The following GAGE1 variants were observed in gnomAD, a reference collection of about 807,000 sequenced individuals.
The protein encoded by GAGE1 is G antigen 1.
A neutral mutation model predicts 5.0 loss-of-function variants in GAGE1; 5 were observed. The ratio of observed to expected loss-of-function variants is 1.00; its 90% CI spans 0.52 to 2.11. GAGE1 has a LOEUF of 2.11. Ranked by LOEUF, GAGE1 falls within the 30% of genes most tolerant of loss-of-function variation. The pLI is 0.01. For synonymous variants in GAGE1, 6 were observed against 14.8 expected, an observed-to-expected ratio of 0.40 and a Z score of 1.37; for missense variants, 9 against 38.9, an observed-to-expected ratio of 0.23 and a Z score of 2.04.
rs1243782532 is a variant in GAGE1 at position 49,607,518 on chromosome X, A to T, written c.*1503A>T. 2.7e-5 allele frequency: 3 copies of T among 111,064 alleles called. No individual in the cohort carries two copies. In the Admixed American group the frequency reaches 2.9e-4, roughly 11 times the overall value. 9.2% of individuals were successfully genotyped at this position (111,064 alleles called of 1,213,427 possible). A position where few individuals can be genotyped will look rare whatever the true frequency, so the allele number is the denominator to read the frequency against. On this transcript the variant is annotated 3_prime_UTR_variant, in exon 5 of 5. Coordinates refer to ENST00000381700, the MANE Select transcript of GAGE1 (RefSeq NM_001040663.4). ...TAATGCAGGGCTAGGCTTTCCCATA[A>T]TGAGCTTTTCTAGAATGCTTCTCTC...
intron 4 of GAGE1, among the ~76,000 whole-genome samples, chrX:49,604,401 A>C (rs1386149744): frequency 8.9e-6 from 1 of 112,343 alleles, no homozygotes; most frequent in Non-Finnish European, 1.9e-5. Context: ...CACATTTGTA[A>C]CACCCATCAC....
chrX:49,605,044 A>C (rs1557131913), intron 4 of GAGE1: 2 of 1,022,762 alleles, frequency 2.0e-6, no homozygotes, highest in East Asian at 6.1e-5. Context: ...TCTGGCTTTT[A>C]ATGAACAATT....
chrX:49,602,233 GT>G (rs1321976584), intron 3 of GAGE1, among the ~76,000 whole-genome samples: 1 of 112,534 alleles, frequency 8.9e-6, no homozygotes, highest in Non-Finnish European at 1.9e-5. Context: ...CAGATGCAAA[GT>G]TTTTGTGCCT....
chrX:49,604,184 C>G (rs1300380452), intron 4 of GAGE1, among the ~76,000 whole-genome samples: 5 of 112,530 alleles, frequency 4.4e-5, no homozygotes, highest in Non-Finnish European at 9.4e-5. Context: ...AGAGAGTTAA[C>G]AATACTGCCT....
chrX:49,606,022 A>G lies in GAGE1; in HGVS notation c.*7A>G, dbSNP rs2066657290. On this transcript the variant is annotated 3_prime_UTR_variant, in exon 5 of 5. Coordinates refer to ENST00000381700, the MANE Select transcript of GAGE1 (RefSeq NM_001040663.4). ...AGGGCAATCACAGTGTTAAAAGAAGACATGCTGAAATGTTGCAGGCTGCTC... is the reference window on the plus strand; with the variant it reads ...AGGGCAATCACAGTGTTAAAAGAAGGCATGCTGAAATGTTGCAGGCTGCTC... 2 of 1,065,313 alleles carry G rather than the reference A, an allele frequency of 1.9e-6. No homozygotes were observed. The highest frequency in any genetic ancestry group is 3.8e-5 in the African/African-American group (2 of 52,164). 87.8% of individuals were successfully genotyped at this position (1,065,313 alleles called of 1,213,427 possible). A position where few individuals can be genotyped will look rare whatever the true frequency, so the allele number is the denominator to read the frequency against.
intron 4 of GAGE1, among the ~76,000 whole-genome samples, chrX:49,605,761 T>C (rs1220173071): frequency 1.8e-5 from 2 of 110,248 alleles, no homozygotes; most frequent in Non-Finnish European, 3.8e-5. Context: ...ATACAAAAAA[T>C]TAGCCCTTGT....
Position 49,607,794 on chromosome X carries a change from T to C in GAGE1, c.*1779T>C, listed in dbSNP as rs1557132370. ...CTGACCCTAGATCTGTGTATAATTA[T>C]GACAATGGCTCCATTTATTTTTAAA... On this transcript the variant is annotated 3_prime_UTR_variant, in exon 5 of 5. Transcript: ENST00000381700. 3.6e-5 allele frequency: 4 copies of C among 111,843 alleles called. No individual in the cohort carries two copies. Among genetic ancestry groups the C allele is most frequent in the Non-Finnish European group, 7.5e-5 (4 of 53,250 alleles). 9.2% of individuals were successfully genotyped at this position (111,843 alleles called of 1,213,427 possible).
chrX:49,602,672 G>GT (rs1312004464), intron 3 of GAGE1, among the ~76,000 whole-genome samples: 21 of 92,616 alleles, frequency 2.3e-4, no homozygotes, highest in Middle Eastern at 5.9e-3. Context: ...TTGAGGGTGT[G>GT]TTTATCGTCA....
Position 49,602,762 on chromosome X carries a change from C to T in GAGE1, c.206-906C>T, listed in dbSNP as rs1168475756. Among the ~76,000 whole-genome samples, 14 of 85,709 alleles carry T rather than the reference C, an allele frequency of 1.6e-4. 1 individual carries two copies. The highest frequency in any genetic ancestry group is 3.5e-4 in the Non-Finnish European group (13 of 37,674). 74.4% of individuals were successfully genotyped at this position (85,709 alleles called of 115,157 possible). A position where few individuals can be genotyped will look rare whatever the true frequency, so the allele number is the denominator to read the frequency against. ...AAATTTAACAATGAGAAAATGGAGT[C>T]ATTTAATACAGAGTGCATACTCAAA... is the stretch of plus-strand genomic sequence containing the variant. On this transcript the variant is annotated intron_variant, in intron 3 of 4. Transcript: ENST00000381700.
At position 49,606,121 on chromosome X, in the gene GAGE1, C is replaced by A; in HGVS notation, c.*106C>A. 1 of 468,038 alleles carries A rather than the reference C, an allele frequency of 2.1e-6. No homozygotes were observed. Among genetic ancestry groups the A allele is most frequent in the Non-Finnish European group, 3.3e-6 (1 of 303,852 alleles). 38.6% of individuals were successfully genotyped at this position (468,038 alleles called of 1,213,427 possible). Reference sequence around the variant, plus strand: ...CCTTCTGCAAAGAAGTCTTGTGAATCTTTTGTCAATTTTATTTCTAGCTAT... The same window carrying A: ...CCTTCTGCAAAGAAGTCTTGTGAATATTTTGTCAATTTTATTTCTAGCTAT... On this transcript the variant is annotated 3_prime_UTR_variant, in exon 5 of 5. Transcript: ENST00000381700.
chrX:49,605,108 A>G (rs3747318), intron 4 of GAGE1: 566,629 of 1,011,717 alleles, frequency 0.56, 111,553 homozygotes, highest in Non-Finnish European at 0.6. Flanking sequence ...ATCAAATGGC[A>G]AGAGACCGTT....
intron 4 of GAGE1, among the ~76,000 whole-genome samples, chrX:49,604,496 C>T (rs1487946074): frequency 8.9e-6 from 1 of 112,283 alleles, no homozygotes; most frequent in Non-Finnish European, 1.9e-5. Context: ...AGTCCTTTCA[C>T]TTCTAAACCT....
intron 4 of GAGE1, among the ~76,000 whole-genome samples, chrX:49,604,335 A>T (rs1557131660): frequency 8.9e-6 from 1 of 112,545 alleles, no homozygotes; most frequent in African/African-American, 3.2e-5. Context: ...TCCTCAAACC[A>T]GTAGCTCATA....
intron 3 of GAGE1, among the ~76,000 whole-genome samples, chrX:49,602,412 A>G (rs1169858350): frequency 5.2e-5 from 4 of 77,402 alleles, no homozygotes; most frequent in African/African-American, 1.4e-4. Context: ...TCCTGTATGT[A>G]TCTTCAAGTC....
intron 4 of GAGE1, among the ~76,000 whole-genome samples, chrX:49,605,791 C>T (rs1209500186): frequency 9.1e-6 from 1 of 109,808 alleles, no homozygotes; most frequent in Non-Finnish European, 1.9e-5. Context: ...CGCCTGTGGT[C>T]CCAGCTACTC....
In GAGE1 at chrX:49,606,756, C is replaced by T. The variant is rs2066661946; in HGVS notation, c.*741C>T. ...ATGTTGAATTTCATCAAACACTGAC[C>T]TGAGTCATCTTAAAACATGTGAATT... On this transcript the variant is annotated 3_prime_UTR_variant, in exon 5 of 5. Coordinates refer to ENST00000381700, the MANE Select transcript of GAGE1 (RefSeq NM_001040663.4). 8.9e-6 allele frequency: 1 copy of T among 111,833 alleles called. No individual in the cohort carries two copies. The allele number at this position is 111,833 out of a possible 1,213,427, so 9.2% of individuals were successfully genotyped here. A position where few individuals can be genotyped will look rare whatever the true frequency, so the allele number is the denominator to read the frequency against.
chrX:49,605,355 C>A (rs1290860578), intron 4 of GAGE1, among the ~76,000 whole-genome samples: 4 of 112,285 alleles, frequency 3.6e-5, no homozygotes, highest in Non-Finnish European at 7.5e-5. Flanking sequence ...TGACTCTAGT[C>A]CTTCCTGAGT....
intron 4 of GAGE1, among the ~76,000 whole-genome samples, chrX:49,604,261 A>T (rs184483659): frequency 3.5e-5 from 4 of 112,848 alleles, no homozygotes; most frequent in African/African-American, 1.3e-4. Context: ...CCCGAGTGAT[A>T]GACTTTCAGA....
At chrX:49,604,748 C>G (rs182355573) in intron 4 of GAGE1, among the ~76,000 whole-genome samples, 96 of 111,829 alleles carry the variant, frequency 8.6e-4, no homozygotes, top group African/African-American at 3.0e-3. Context: ...CTAGTTTTTC[C>G]GTGTGGAGAG....
Sources: gnomAD v4.1 joint callset for allele counts (sites outside exome capture counted in the v4.1 genomes callset) on GRCh38, gnomAD v4.1.1 for gene constraint, MANE v1.5 for transcripts, NCBI Gene and HGNC (gene_info 2026-07-23, HGNC 2026-07-21) for gene names.